Variants in CDK13 observed in about 807,000 individuals in gnomAD.
CDK13 encodes the protein cyclin-dependent kinase 13.
A neutral mutation model predicts 137.6 loss-of-function variants in CDK13; 40 were observed. That is an observed-to-expected ratio of 0.29 (90% CI 0.23 to 0.38). The LOEUF is 0.38. Ranked by LOEUF, CDK13 falls within the 10% of genes least tolerant of loss-of-function variation. The pLI, the probability that CDK13 is intolerant of heterozygous loss-of-function variation, is 1.00. For synonymous variants in CDK13, 869 were observed against 760.1 expected (o/e 1.14, Z -2.36); for missense variants, 1,704 against 1,951.8 (o/e 0.87, Z 2.39).
At chr7:40,003,206 A>ACACACACACACTCTCTCTCT (rs374470130) in intron 5 of CDK13, among the ~76,000 whole-genome samples, 4 of 79,904 alleles carry the variant, frequency 5.0e-5, no homozygotes, top group African/African-American at 1.9e-4. Flanking sequence ...ACACACACAC[A>ACACACACACACTCTCTCTCT]CTCTCTCTCT....
At chr7:40,055,471 C>T (rs2150522692) in intron 7 of CDK13, among the ~76,000 whole-genome samples, 1 of 151,772 alleles carries the variant, frequency 6.6e-6, no homozygotes, top group African/African-American at 2.4e-5. Flanking sequence ...CATCAGTTTG[C>T]TTCTTCTTTG....
chr7:40,054,427 T>G (rs1785965142), intron 7 of CDK13, among the ~76,000 whole-genome samples: 1 of 152,102 alleles, frequency 6.6e-6, no homozygotes, highest in Non-Finnish European at 1.5e-5. Context: ...TATATTAAAG[T>G]CTGATGACTT....
intron 5 of CDK13, among the ~76,000 whole-genome samples, chr7:40,038,269 T>C (rs1785529197): frequency 6.6e-6 from 1 of 152,204 alleles, no homozygotes. Context: ...TTTAACCATA[T>C]ATGCTGAAGT....
At chr7:39,954,098 A>C (rs758135911) in intron 1 of CDK13, among the ~76,000 whole-genome samples, 1 of 152,230 alleles carries the variant, frequency 6.6e-6, no homozygotes, top group Non-Finnish European at 1.5e-5. Flanking sequence ...CTCCAAGTTT[A>C]ACCCTTTGGA....
chr7:40,090,624 C>G (rs776297754), intron 12 of CDK13, among the ~76,000 whole-genome samples: 1 of 152,140 alleles, frequency 6.6e-6, no homozygotes, highest in Non-Finnish European at 1.5e-5. Context: ...GTGGCTCATG[C>G]CCGTAATCCC....
intron 1 of CDK13, among the ~76,000 whole-genome samples, chr7:39,960,740 A>C (rs887202024): frequency 6.6e-6 from 1 of 151,324 alleles, no homozygotes; most frequent in Non-Finnish European, 1.5e-5. Context: ...ATGCCTGGCT[A>C]ATTTTTGTAC....
At chr7:39,989,097 AAAAAAAAAAAAAAAG>A (rs1784403508) in intron 2 of CDK13, among the ~76,000 whole-genome samples, 1 of 144,398 alleles carries the variant, frequency 6.9e-6, no homozygotes, top group South Asian at 2.2e-4. Flanking sequence ...AAAAAAAAAA[AAAAAAAAAAAAAAAG>A]AGAAAATTCA....
intron 11 of CDK13, among the ~76,000 whole-genome samples, chr7:40,086,555 A>G (rs1362347067): frequency 2.0e-5 from 3 of 152,164 alleles, no homozygotes; most frequent in African/African-American, 7.2e-5. Flanking sequence ...CTTTAAGCAA[A>G]AGTTATTCTC....
At chr7:39,992,057 A>C (rs987306491) in intron 2 of CDK13, among the ~76,000 whole-genome samples, 5 of 149,154 alleles carry the variant, frequency 3.4e-5, no homozygotes, top group African/African-American at 4.9e-5. Context: ...GTCTCAAAAA[A>C]AGGAAAAAAT....
intron 9 of CDK13, among the ~76,000 whole-genome samples, chr7:40,074,352 C>T (rs112811798): frequency 0.11 from 16,613 of 151,916 alleles, 1,055 homozygotes; most frequent in Middle Eastern, 0.16. Context: ...GAAACCCTGT[C>T]TCTACTAAAA....
intron 5 of CDK13, among the ~76,000 whole-genome samples, chr7:40,036,855 G>T (rs1483906420): frequency 6.6e-6 from 1 of 152,002 alleles, no homozygotes. Flanking sequence ...AACAAAATCA[G>T]CCATAATTTT....
chr7:40,073,050 T>C (rs1315343866), intron 9 of CDK13: 1 of 152,236 alleles, frequency 6.6e-6, no homozygotes, highest in Non-Finnish European at 1.5e-5. Context: ...TGAGTATATT[T>C]CTGTTATGTG....
In CDK13 at chr7:39,951,334, C is replaced by T. The variant is rs1428571767; in HGVS notation, c.693C>T (p.Ser231=). 2.7e-5 allele frequency: 39 copies of T among 1,446,962 alleles called. No individual in the cohort carries two copies. Among genetic ancestry groups the T allele is most frequent in the Admixed American group, 5.5e-5 (2 of 36,494 alleles). 89.6% of individuals were successfully genotyped at this position (1,446,962 alleles called of 1,614,324 possible). The change falls in exon 1 of 14, where the codon TCC becomes TCT. Residue 231 remains serine (S), a synonymous_variant. Transcript: ENST00000181839. The stretch of plus-strand genomic sequence containing the variant: ...GCGGTGGCAGCGAGGCCTCCAAGTC[C>T]CGCAGCCGCCACAGCCACAGCGGCG... The part of the protein sequence containing the change: ...GQRGGSEASK[S]RSRHSHSGEE...
intron 5 of CDK13, among the ~76,000 whole-genome samples, chr7:40,031,353 C>A (rs1302561941): frequency 6.6e-6 from 1 of 152,040 alleles, no homozygotes; most frequent in Non-Finnish European, 1.5e-5. Context: ...GAAACCTGGT[C>A]ACTACTAAAA....
rs149198182 is a variant in CDK13, at chr7:40,006,875, A to G, written c.2353+4844A>G. ...AAGATGTAAATATTTCAGTATTCAG[A>G]TTAAAAAAATTCCTAAACTGAAATG... On this transcript the variant is annotated intron_variant, in intron 5 of 13. Transcript: ENST00000181839. Among the ~76,000 whole-genome samples the G allele has an allele frequency of 1.8e-4, 28 of 152,322 alleles. No individual in the cohort carries two copies. The East Asian group carries it at 4.4e-3, about 24-fold the overall frequency.
intron 11 of CDK13, among the ~76,000 whole-genome samples, chr7:40,083,207 C>G (rs924272508): frequency 6.6e-6 from 1 of 150,768 alleles, no homozygotes; most frequent in Non-Finnish European, 1.5e-5. Flanking sequence ...CATGGTGACT[C>G]ATGCCTGTAA....
At chr7:40,033,568 T>C (rs1258491148) in intron 5 of CDK13, among the ~76,000 whole-genome samples, 1 of 152,212 alleles carries the variant, frequency 6.6e-6, no homozygotes, top group Non-Finnish European at 1.5e-5. Context: ...GTTCACTGTT[T>C]GCTGTACCTG....
chr7:39,972,756 T>C (rs1230180519), intron 1 of CDK13, among the ~76,000 whole-genome samples: 1 of 152,248 alleles, frequency 6.6e-6, no homozygotes, highest in Non-Finnish European at 1.5e-5. Flanking sequence ...TTAATGCTGC[T>C]ATGAACATTT....
intron 5 of CDK13, among the ~76,000 whole-genome samples, chr7:40,004,227 A>T (rs1424861201): frequency 6.6e-6 from 1 of 151,988 alleles, no homozygotes; most frequent in Non-Finnish European, 1.5e-5. Context: ...TATTTTCTTT[A>T]TCAGGTTATA....
Sources: allele counts gnomAD v4.1 joint callset (sites outside exome capture counted in the v4.1 genomes callset), GRCh38; gene constraint gnomAD v4.1.1; transcripts MANE v1.5; gene names NCBI Gene and HGNC (gene_info 2026-07-23, HGNC 2026-07-21).